SOX5: variants seen among roughly 807,000 people sequenced by gnomAD.
SOX5 encodes the protein transcription factor SOX-5.
In SOX5, 9 loss-of-function variants were observed where a neutral mutation model predicts 92.0. The observed-to-expected ratio is 0.10, with a 90% CI of 0.06 to 0.17. The LOEUF (loss-of-function observed/expected upper bound fraction) is 0.17. Ranked by LOEUF, SOX5 falls within the 10% of genes least tolerant of loss-of-function variation. The probability of loss-of-function intolerance (pLI) is 1.00; values close to 1 mark genes in which losing one functional copy is unlikely to be tolerated. For synonymous variants in SOX5, 344 were observed against 336.3 expected, an observed-to-expected ratio of 1.02 and a Z score of -0.25; for missense variants, 642 against 944.5, an observed-to-expected ratio of 0.68 and a Z score of 4.20.
chr12:24,354,658 AG>A (rs1166560284), intron 2 of SOX5, among the ~76,000 whole-genome samples: 1 of 152,208 alleles, frequency 6.6e-6, no homozygotes, highest in East Asian at 1.9e-4. Context: ...ACAATATTTT[AG>A]GGGGCAAAAT....
chr12:23,970,240 T>G (rs2140124958), intron 4 of SOX5, among the ~76,000 whole-genome samples: 1 of 151,500 alleles, frequency 6.6e-6, no homozygotes, highest in East Asian at 2.0e-4. Flanking sequence ...CTTTTTTTTT[T>G]GGTTTTTTAA....
chr12:23,741,337 T>C (rs1221840739), intron 4 of SOX5, among the ~76,000 whole-genome samples: 1 of 152,190 alleles, frequency 6.6e-6, no homozygotes, highest in African/African-American at 2.4e-5. Flanking sequence ...AGTAATAATC[T>C]ATAGTTTTTT....
chr12:23,868,408 T>C (rs2096838048), intron 2 of SOX5, among the ~76,000 whole-genome samples: 1 of 152,146 alleles, frequency 6.6e-6, no homozygotes, highest in African/African-American at 2.4e-5. Context: ...CAAGAGCAAA[T>C]TCATTTTCAT....
At chr12:24,207,027 G>A (rs1367359437) in intron 4 of SOX5, among the ~76,000 whole-genome samples, 3 of 152,160 alleles carry the variant, frequency 2.0e-5, no homozygotes, top group East Asian at 1.9e-4. Context: ...CTCTTCTAAC[G>A]AGCACTTCTG....
At chr12:24,290,526 A>T (rs1946499770) in intron 2 of SOX5, among the ~76,000 whole-genome samples, 2 of 152,288 alleles carry the variant, frequency 1.3e-5, no homozygotes, top group East Asian at 3.9e-4. Context: ...TAAATTAAGT[A>T]ACTTGGCAAA....
chr12:24,020,668 A>G (rs1427934010), intron 4 of SOX5, among the ~76,000 whole-genome samples: 1 of 152,160 alleles, frequency 6.6e-6, no homozygotes, highest in East Asian at 1.9e-4. Context: ...AACAAAAGGA[A>G]ATTGTTATGC....
At chr12:24,033,611 A>G (rs1222394521) in intron 4 of SOX5, among the ~76,000 whole-genome samples, 1 of 152,062 alleles carries the variant, frequency 6.6e-6, no homozygotes, top group Non-Finnish European at 1.5e-5. Context: ...CTACTGACGT[A>G]GACTTACAGG....
chr12:23,536,405 T>C, intron 14 of SOX5, 48 bp downstream of exon 14: 2 of 1,360,028 alleles, frequency 1.5e-6, no homozygotes, highest in Non-Finnish European at 2.1e-6. Flanking sequence ...TCCCATTAAG[T>C]ATAACAGGAA....
chr12:24,399,127 A>T (rs1960846460), intron 1 of SOX5, among the ~76,000 whole-genome samples: 1 of 152,168 alleles, frequency 6.6e-6, no homozygotes, highest in African/African-American at 2.4e-5. Flanking sequence ...GGGCAGTCAA[A>T]GTCGAAGCAC....
At chr12:24,050,511 T>C (rs896642551) in intron 4 of SOX5, among the ~76,000 whole-genome samples, 1 of 152,170 alleles carries the variant, frequency 6.6e-6, no homozygotes, top group African/African-American at 2.4e-5. Context: ...ACAAAACCTC[T>C]GTAACAACAA....
intron 4 of SOX5, among the ~76,000 whole-genome samples, chr12:24,192,977 A>G (rs774581063): frequency 5.9e-5 from 9 of 152,212 alleles, no homozygotes; most frequent in Non-Finnish European, 1.3e-4. Flanking sequence ...TAAAACATAG[A>G]GTAAATGTAT....
At chr12:24,077,561 A>C (rs1056121438) in intron 4 of SOX5, among the ~76,000 whole-genome samples, 4 of 151,866 alleles carry the variant, frequency 2.6e-5, no homozygotes, top group African/African-American at 9.7e-5. Context: ...GATTGCAAGG[A>C]GTATCAGTGC....
intron 1 of SOX5, among the ~76,000 whole-genome samples, chr12:24,539,350 A>T (rs1212247742): frequency 6.6e-6 from 1 of 152,168 alleles, no homozygotes; most frequent in Non-Finnish European, 1.5e-5. Flanking sequence ...TATAAACACA[A>T]ATTAGTCTGT....
chr12:24,557,337 T>TCCGCC (rs1346184470), intron 1 of SOX5, among the ~76,000 whole-genome samples: 6 of 141,020 alleles, frequency 4.3e-5, no homozygotes, highest in Non-Finnish European at 7.6e-5. Flanking sequence ...TCAACATCCC[T>TCCGCC]CCGCCTGTGG....
At chr12:24,427,523 A>G (rs1966851905) in intron 1 of SOX5, among the ~76,000 whole-genome samples, 1 of 152,206 alleles carries the variant, frequency 6.6e-6, no homozygotes, top group Non-Finnish European at 1.5e-5. Flanking sequence ...CTAAAATGCT[A>G]CTTTTCTTCA....
At chr12:24,188,458 GA>G (rs1286335609) in intron 4 of SOX5, among the ~76,000 whole-genome samples, 1 of 152,092 alleles carries the variant, frequency 6.6e-6, no homozygotes, top group African/African-American at 2.4e-5. Context: ...ATGTGAAAAA[GA>G]AGGCATTATT....
intron 9 of SOX5, among the ~76,000 whole-genome samples, chr12:23,594,449 T>A (rs1427430703): frequency 6.6e-6 from 1 of 152,046 alleles, no homozygotes; most frequent in Non-Finnish European, 1.5e-5. Context: ...AACAGCAACA[T>A]CCAGGATATG....
chr12:23,981,233 G>A (rs994691683), intron 4 of SOX5, among the ~76,000 whole-genome samples: 4 of 151,812 alleles, frequency 2.6e-5, no homozygotes, highest in African/African-American at 9.7e-5. Flanking sequence ...ATGGAAGTTC[G>A]TAGCCTTCAT....
intron 3 of SOX5, among the ~76,000 whole-genome samples, chr12:23,764,759 T>C (rs1017964029): frequency 6.6e-6 from 1 of 152,056 alleles, no homozygotes; most frequent in African/African-American, 2.4e-5. Flanking sequence ...TGTATAGAAA[T>C]AGAAAACCAT....
Sources: allele counts gnomAD v4.1 joint callset (sites outside exome capture counted in the v4.1 genomes callset), GRCh38; gene constraint gnomAD v4.1.1; transcripts MANE v1.5; gene names NCBI Gene and HGNC (gene_info 2026-07-23, HGNC 2026-07-21).